The following ECHDC1 variants were observed in gnomAD, a reference collection of about 807,000 sequenced individuals.
The protein encoded by ECHDC1 is ethylmalonyl-CoA decarboxylase.
In ECHDC1, 29 loss-of-function variants were observed where a neutral mutation model predicts 29.7. That is an observed-to-expected ratio of 0.98 (90% CI 0.73 to 1.33). ECHDC1 has a LOEUF of 1.33. Among genes scored for constraint, ECHDC1 ranks in the 40% most tolerant of loss-of-function variants. ECHDC1 has a pLI of 0.00. For synonymous variants in ECHDC1, 126 were observed against 123.1 expected (o/e 1.02, Z -0.15); for missense variants, 328 against 350.0 (o/e 0.94, Z 0.50).
chr6:127,310,612 A>G (rs1781822538), intron 5 of ECHDC1, among the ~76,000 whole-genome samples: 1 of 152,220 alleles, frequency 6.6e-6, no homozygotes. Flanking sequence ...TGAACAAAAT[A>G]TGTGGTTTCT....
intron 3 of ECHDC1, chr6:127,326,506 T>C (rs1341462779): frequency 8.8e-6 from 4 of 455,896 alleles, no homozygotes; most frequent in African/African-American, 4.0e-5. Flanking sequence ...CATAGGAATA[T>C]AAGATGTTAA....
intron 1 of ECHDC1, among the ~76,000 whole-genome samples, chr6:127,336,833 T>C (rs756703401): frequency 1.6e-4 from 25 of 152,262 alleles, no homozygotes; most frequent in Non-Finnish European, 2.8e-4. Flanking sequence ...AGACACTTTC[T>C]AAGTTATCAC....
intron 5 of ECHDC1, among the ~76,000 whole-genome samples, chr6:127,306,790 A>C (rs1781477198): frequency 6.6e-6 from 1 of 152,198 alleles, no homozygotes; most frequent in Non-Finnish European, 1.5e-5. Context: ...ATCAACAAAG[A>C]AACATCAGAC....
At chr6:127,315,371 T>C (rs1438007519) in intron 4 of ECHDC1, 1 of 307,456 alleles carries the variant, frequency 3.3e-6, no homozygotes, top group Admixed American at 4.4e-5. Flanking sequence ...CAAAACTGTG[T>C]TATGAAGTTT....
chr6:127,303,134 G>T (rs1781180867), intron 5 of ECHDC1, among the ~76,000 whole-genome samples: 1 of 151,756 alleles, frequency 6.6e-6, no homozygotes, highest in African/African-American at 2.4e-5. Flanking sequence ...ATTATAAAAA[G>T]AAAAATTAAT....
intron 1 of ECHDC1, among the ~76,000 whole-genome samples, chr6:127,338,998 C>T (rs1334024755): frequency 1.3e-5 from 2 of 152,120 alleles, no homozygotes; most frequent in Non-Finnish European, 2.9e-5. Context: ...GCTACATTTA[C>T]TTCTCAGGAA....
chr6:127,312,724 T>C (rs1330473738), intron 5 of ECHDC1, among the ~76,000 whole-genome samples: 1 of 152,156 alleles, frequency 6.6e-6, no homozygotes, highest in Non-Finnish European at 1.5e-5. Context: ...TATATAGGCA[T>C]AGAAAGCAAT....
chr6:127,294,998 GAGT>G (rs1019241514), intron 5 of ECHDC1, among the ~76,000 whole-genome samples: 10 of 151,698 alleles, frequency 6.6e-5, no homozygotes, highest in African/African-American at 2.4e-4. Flanking sequence ...GCCCAGGCTG[GAGT>G]GTAGTGGTAC....
chr6:127,328,065 T>C (rs1394508745), intron 2 of ECHDC1, among the ~76,000 whole-genome samples: 1 of 152,066 alleles, frequency 6.6e-6, no homozygotes. Context: ...TTAAATTATG[T>C]ACACTTCTTT....
chr6:127,303,464 C>G lies in ECHDC1; in HGVS notation c.497+11352G>C, dbSNP rs540401232. The stretch of plus-strand genomic sequence containing the variant: ...TAGTGGTCTGGATAGAAGACCAAAC[C>G]AGCCACAGCATTTCCTTAAGCCAAA... On this transcript the variant is annotated intron_variant, in intron 5 of 5. Coordinates refer to ENST00000454859, the MANE Select transcript of ECHDC1 (RefSeq NM_001002030.2). 1.4e-3 allele frequency among the ~76,000 whole-genome samples: 218 copies of G among 152,220 alleles called. 5 individuals carry two copies. The Middle Eastern group carries it at 0.017, about 12-fold the overall frequency.
At chr6:127,332,030 GC>G (rs769153584) in intron 1 of ECHDC1, among the ~76,000 whole-genome samples, 25 of 151,950 alleles carry the variant, frequency 1.6e-4, no homozygotes, top group Non-Finnish European at 4.4e-5. Flanking sequence ...AAGATTATAT[GC>G]AAAAAAGTAT....
intron 5 of ECHDC1, chr6:127,313,730 A>G: frequency 2.8e-6 from 1 of 355,826 alleles, no homozygotes; most frequent in South Asian, 2.1e-5. Flanking sequence ...TCCCAAATGA[A>G]AAGACAATGA....
At position 127,303,967 on chromosome 6, in the gene ECHDC1, A is replaced by G. The variant is rs533681851; in HGVS notation, c.497+10849T>C. ...TGGACTTTTCCAGAGTCTAGTGGAAATCACCACCCTGCAGGGAAGAACACA... is the reference window on the plus strand; with the variant it reads ...TGGACTTTTCCAGAGTCTAGTGGAAGTCACCACCCTGCAGGGAAGAACACA... On this transcript the variant is annotated intron_variant, in intron 5 of 5. Coordinates refer to ENST00000454859, the MANE Select transcript of ECHDC1 (RefSeq NM_001002030.2). 2.0e-5 allele frequency among the ~76,000 whole-genome samples: 3 copies of G among 152,272 alleles called. No homozygotes were observed. The East Asian group carries it at 5.8e-4, about 29-fold the overall frequency.
chr6:127,305,347 G>C (rs1474091589), intron 5 of ECHDC1, among the ~76,000 whole-genome samples: 1 of 152,132 alleles, frequency 6.6e-6, no homozygotes, highest in Non-Finnish European at 1.5e-5. Flanking sequence ...AAACATGAAA[G>C]AGAAATAAAG....
At chr6:127,342,587 G>A in intron 1 of ECHDC1, 1 of 504,844 alleles carries the variant, frequency 2.0e-6, no homozygotes. Context: ...TCTAAAGAAG[G>A]AGCCCTTTGT....
intron 3 of ECHDC1, among the ~76,000 whole-genome samples, chr6:127,321,713 G>A (rs1004377281): frequency 1.3e-5 from 2 of 151,980 alleles, no homozygotes. Flanking sequence ...TCAAATAGCT[G>A]GACGTCGGGC....
intron 5 of ECHDC1, among the ~76,000 whole-genome samples, chr6:127,292,493 G>A (rs1047406467): frequency 1.3e-5 from 2 of 151,622 alleles, no homozygotes; most frequent in African/African-American, 2.4e-5. Flanking sequence ...TGTATACCTC[G>A]GGTGTGCTTA....
chr6:127,302,031 G>A lies in ECHDC1; in HGVS notation c.498-11754C>T, dbSNP rs555903644. Among the ~76,000 whole-genome samples, 4 of 152,268 alleles carry A rather than the reference G, an allele frequency of 2.6e-5. No homozygotes were observed. The South Asian group carries it at 8.3e-4, about 32-fold the overall frequency. Reference sequence around the variant, plus strand: ...AGCACCTGGTATATCCAGATACTGAGAGTAGGCAGTACCCTCAGACATCTT... The same window carrying A: ...AGCACCTGGTATATCCAGATACTGAAAGTAGGCAGTACCCTCAGACATCTT... On this transcript the variant is annotated intron_variant, in intron 5 of 5. Coordinates refer to ENST00000454859, the MANE Select transcript of ECHDC1 (RefSeq NM_001002030.2).
At chr6:127,290,660 C>CAAA (rs931729865) in intron 5 of ECHDC1, among the ~76,000 whole-genome samples, 1 of 151,962 alleles carries the variant, frequency 6.6e-6, no homozygotes, top group African/African-American at 2.4e-5. Context: ...TTAAGGTTCT[C>CAAA]AAAAGTCCTT....
Sources: gnomAD v4.1 joint callset for allele counts (sites outside exome capture counted in the v4.1 genomes callset) on GRCh38, gnomAD v4.1.1 for gene constraint, MANE v1.5 for transcripts, NCBI Gene and HGNC (gene_info 2026-07-23, HGNC 2026-07-21) for gene names.